MTUS2: variants seen among roughly 807,000 people sequenced by gnomAD.
MTUS2 encodes microtubule-associated tumor suppressor candidate 2.
MTUS2 carries 40 observed loss-of-function variants against 114.1 expected under a neutral mutation model. The ratio of observed to expected loss-of-function variants is 0.35; its 90% CI spans 0.27 to 0.46. The LOEUF is 0.46. Ranked by LOEUF, MTUS2 falls within the 20% of genes least tolerant of loss-of-function variation. MTUS2 has a pLI of 1.00. For synonymous variants in MTUS2, 688 were observed against 672.0 expected, an observed-to-expected ratio of 1.02 and a Z score of -0.37; for missense variants, 1,679 against 1,705.4, an observed-to-expected ratio of 0.98 and a Z score of 0.27.
At chr13:29,412,472 A>G (rs1342568995) in intron 8 of MTUS2, among the ~76,000 whole-genome samples, 1 of 152,202 alleles carries the variant, frequency 6.6e-6, no homozygotes, top group African/African-American at 2.4e-5. Flanking sequence ...TGTGTTTGCT[A>G]TTATACAGTC....
chr13:28,996,115 T>C (rs1454351854), intron 2 of MTUS2, among the ~76,000 whole-genome samples: 2 of 152,262 alleles, frequency 1.3e-5, no homozygotes, highest in Non-Finnish European at 2.9e-5. Context: ...GAAGGGTTGT[T>C]GAATTTTGTC....
At position 29,025,503 on chromosome 13, in the gene MTUS2, G is replaced by A. The variant is rs1237583158; in HGVS notation, c.805G>A (p.Val269Met). 19 of 1,613,464 alleles carry A rather than the reference G, an allele frequency of 1.2e-5. No individual in the cohort carries two copies. Among genetic ancestry groups the A allele is most frequent in the Non-Finnish European group, 1.5e-5 (18 of 1,179,702 alleles). The stretch of plus-strand genomic sequence containing the variant: ...AACAGTGGGGGCACATGTACTGCAG[G>A]TGTGCAGTGAGCACACATCACATTC... ...TQTVGAHVLQ[V>M]CSEHTSHSAH... Residue 269 changes from valine to methionine, a missense_variant, in exon 3 of 16, where the codon GTG becomes ATG. Val to Met is a conservative substitution (Grantham distance 21). Around this residue, in one of 3 missense-constraint regions of MTUS2, gnomAD observed 843 missense variants for 770.8 expected, o/e 1.09. Coordinates refer to ENST00000612955, the MANE Select transcript of MTUS2 (RefSeq NM_001033602.4).
intron 2 of MTUS2, among the ~76,000 whole-genome samples, chr13:28,874,727 G>A (rs1421767850): frequency 1.3e-5 from 2 of 152,192 alleles, no homozygotes; most frequent in Admixed American, 1.3e-4. Flanking sequence ...GTTCACACAA[G>A]GAGCAACCCT....
intron 5 of MTUS2, among the ~76,000 whole-genome samples, chr13:29,241,057 T>G (rs547017139): frequency 4.6e-5 from 7 of 152,258 alleles, no homozygotes; most frequent in South Asian, 2.1e-4. Flanking sequence ...GAGGAAAAAG[T>G]AAAAACATAT....
intron 4 of MTUS2, among the ~76,000 whole-genome samples, chr13:29,039,685 A>G (rs1472700019): frequency 6.6e-6 from 1 of 152,232 alleles, no homozygotes; most frequent in Non-Finnish European, 1.5e-5. Context: ...GCTGTCTTTG[A>G]TCAGTGTGAA....
intron 9 of MTUS2, among the ~76,000 whole-genome samples, chr13:29,463,770 G>A (rs565917498): frequency 2.0e-5 from 3 of 152,280 alleles, no homozygotes; most frequent in East Asian, 1.9e-4. Flanking sequence ...GGGCCGAGGC[G>A]GGCATATCAC....
chr13:28,947,100 T>C (rs73439425), intron 2 of MTUS2, among the ~76,000 whole-genome samples: 9,499 of 152,250 alleles, frequency 0.062, 981 homozygotes, highest in African/African-American at 0.22. Flanking sequence ...TTATTGTGGT[T>C]GAGTTCACTC....
intron 4 of MTUS2, among the ~76,000 whole-genome samples, chr13:29,096,613 G>A (rs766908811): frequency 1.3e-5 from 2 of 152,156 alleles, no homozygotes; most frequent in African/African-American, 2.4e-5. Flanking sequence ...TGAGATTGCC[G>A]TTAGGCCCAA....
chr13:29,351,815 G>A (rs1043386555), intron 7 of MTUS2, among the ~76,000 whole-genome samples: 1 of 148,284 alleles, frequency 6.7e-6, no homozygotes, highest in Non-Finnish European at 1.5e-5. Context: ...ATGTCTCTCC[G>A]TGTTGCCCAG....
chr13:29,156,797 A>G (rs566704645), intron 5 of MTUS2, among the ~76,000 whole-genome samples: 3 of 152,122 alleles, frequency 2.0e-5, no homozygotes, highest in African/African-American at 7.2e-5. Flanking sequence ...CTGATACTCA[A>G]CACTCAAAAT....
At chr13:28,956,929 T>A (rs1201383270) in intron 2 of MTUS2, among the ~76,000 whole-genome samples, 1 of 134,484 alleles carries the variant, frequency 7.4e-6, no homozygotes, top group Non-Finnish European at 1.6e-5. Flanking sequence ...ATGGGCGATC[T>A]GGTGGGAAGG....
At chr13:29,460,156 G>A (rs1282384067) in intron 9 of MTUS2, among the ~76,000 whole-genome samples, 3 of 152,182 alleles carry the variant, frequency 2.0e-5, no homozygotes, top group African/African-American at 4.8e-5. Context: ...TGAGAATATT[G>A]AGGCTCAGAG....
At chr13:29,103,322 C>G (rs1336518166) in intron 5 of MTUS2, among the ~76,000 whole-genome samples, 1 of 152,146 alleles carries the variant, frequency 6.6e-6, no homozygotes, top group African/African-American at 2.4e-5. Context: ...TACTACACAC[C>G]TAGGCAATAT....
At chr13:29,128,379 G>A (rs1020630391) in intron 5 of MTUS2, among the ~76,000 whole-genome samples, 6 of 152,168 alleles carry the variant, frequency 3.9e-5, no homozygotes, top group Admixed American at 3.9e-4. Context: ...AACCGGTTAG[G>A]AATCGCCCAG....
intron 4 of MTUS2, among the ~76,000 whole-genome samples, chr13:29,069,015 G>A (rs1888789882): frequency 6.6e-6 from 1 of 152,156 alleles, no homozygotes; most frequent in Non-Finnish European, 1.5e-5. Flanking sequence ...AGACCCCTTA[G>A]GAGGCTGTTG....
chr13:28,894,289 GGAGAGAGAGA>G (rs1282557810), intron 2 of MTUS2, among the ~76,000 whole-genome samples: 2 of 11,810 alleles, frequency 1.7e-4, no homozygotes, highest in African/African-American at 8.6e-4. Context: ...TGGGGGGGGG[GGAGAGAGAGA>G]GAGAGGGGGG....
At chr13:29,379,362 G>T (rs983424034) in intron 8 of MTUS2, among the ~76,000 whole-genome samples, 3 of 152,188 alleles carry the variant, frequency 2.0e-5, no homozygotes, top group Non-Finnish European at 4.4e-5. Context: ...CCATCCTCAT[G>T]CCTGGAGAAG....
intron 2 of MTUS2, among the ~76,000 whole-genome samples, chr13:28,863,288 T>C (rs540880050): frequency 2.0e-5 from 3 of 152,312 alleles, no homozygotes; most frequent in African/African-American, 4.8e-5. Context: ...CCCAGGAAAA[T>C]AGATTGTTCC....
intron 5 of MTUS2, among the ~76,000 whole-genome samples, chr13:29,274,639 T>C (rs894899806): frequency 2.0e-5 from 3 of 152,228 alleles, no homozygotes; most frequent in African/African-American, 7.2e-5. Flanking sequence ...CATGTACTTA[T>C]TTCCCATTTG....
Sources: allele counts gnomAD v4.1 joint callset (sites outside exome capture counted in the v4.1 genomes callset), GRCh38; gene constraint gnomAD v4.1.1; regional missense constraint gnomAD v4.1.1; transcripts MANE v1.5; gene names NCBI Gene and HGNC (gene_info 2026-07-23, HGNC 2026-07-21).